Variants in PCDH7 observed in about 807,000 individuals in gnomAD.
The protein encoded by PCDH7 is protocadherin-7.
Under a neutral mutation model 58.9 loss-of-function variants are expected in PCDH7, and 17 were observed. The observed-to-expected ratio is 0.29, with a 90% CI of 0.20 to 0.43. The LOEUF (loss-of-function observed/expected upper bound fraction) is 0.43. PCDH7 is among the 20% of genes least tolerant of loss of function. The pLI, the probability that PCDH7 is intolerant of heterozygous loss-of-function variation, is 1.00. For synonymous variants in PCDH7, 664 were observed against 616.4 expected (o/e 1.08, Z -1.14); for missense variants, 1,274 against 1,441.0 (o/e 0.88, Z 1.88).
intron 3 of PCDH7, among the ~76,000 whole-genome samples, chr4:30,978,563 C>G (rs184296807): frequency 6.6e-6 from 1 of 152,046 alleles, no homozygotes; most frequent in Non-Finnish European, 1.5e-5. Context: ...TTCTTAGCTA[C>G]GTGATCTCAG....
At chr4:30,786,960 C>T (rs941830452) in intron 1 of PCDH7, among the ~76,000 whole-genome samples, 4 of 151,840 alleles carry the variant, frequency 2.6e-5, no homozygotes, top group Non-Finnish European at 4.4e-5. Context: ...AATAAGATCT[C>T]TGCAAAAAGG....
At chr4:31,109,065 T>A (rs1259891167) in intron 3 of PCDH7, among the ~76,000 whole-genome samples, 1 of 152,152 alleles carries the variant, frequency 6.6e-6, no homozygotes, top group Non-Finnish European at 1.5e-5. Context: ...TGGCTCAGGC[T>A]TGTTCCCATG....
chr4:30,818,457 TA>T (rs997149953), intron 1 of PCDH7, among the ~76,000 whole-genome samples: 1 of 152,194 alleles, frequency 6.6e-6, no homozygotes, highest in Non-Finnish European at 1.5e-5. Context: ...AATATGGGAC[TA>T]GTTGTTTTTC....
chr4:30,956,740 A>T (rs148379277), intron 3 of PCDH7, among the ~76,000 whole-genome samples: 2 of 152,306 alleles, frequency 1.3e-5, no homozygotes, highest in Admixed American at 1.3e-4. Flanking sequence ...GACACTTGTG[A>T]TCCAGATTTT....
intron 3 of PCDH7, among the ~76,000 whole-genome samples, chr4:30,983,389 A>T (rs542564608): frequency 6.6e-6 from 1 of 152,228 alleles, no homozygotes; most frequent in Non-Finnish European, 1.5e-5. Flanking sequence ...ATCAGTCTCT[A>T]AAAACTTGAG....
At chr4:30,807,876 G>T (rs1203114960) in intron 1 of PCDH7, among the ~76,000 whole-genome samples, 2 of 152,156 alleles carry the variant, frequency 1.3e-5, no homozygotes, top group Non-Finnish European at 2.9e-5. Flanking sequence ...TGCTTAATTA[G>T]AGCTTAAATT....
intron 1 of PCDH7, among the ~76,000 whole-genome samples, chr4:30,910,870 G>A (rs1282207342): frequency 6.6e-6 from 1 of 152,128 alleles, no homozygotes; most frequent in Non-Finnish European, 1.5e-5. Flanking sequence ...TATGTTTACT[G>A]TAACACTATT....
intron 3 of PCDH7, among the ~76,000 whole-genome samples, chr4:31,093,342 G>A (rs1056370103): frequency 1.3e-5 from 2 of 152,068 alleles, no homozygotes; most frequent in Non-Finnish European, 2.9e-5. Flanking sequence ...GTAGTCAAAA[G>A]GTAAATTCTG....
chr4:30,753,637 G>A (rs1229908157), intron 1 of PCDH7, among the ~76,000 whole-genome samples: 1 of 152,048 alleles, frequency 6.6e-6, no homozygotes, highest in Non-Finnish European at 1.5e-5. Context: ...CATGTTTTTG[G>A]CTCTGGTTGT....
chr4:31,116,976 C>G (rs1188600249), intron 3 of PCDH7, among the ~76,000 whole-genome samples: 2 of 152,142 alleles, frequency 1.3e-5, no homozygotes, highest in East Asian at 3.9e-4. Context: ...GCTGGGATTA[C>G]AGGCATGTGC....
intron 1 of PCDH7, among the ~76,000 whole-genome samples, chr4:30,777,651 A>G (rs1027545194): frequency 2.0e-5 from 3 of 152,102 alleles, no homozygotes; most frequent in African/African-American, 7.2e-5. Context: ...ATGCTTGTAT[A>G]TTTTAATTAT....
At chr4:30,945,065 G>A (rs1746504490) in intron 2 of PCDH7, among the ~76,000 whole-genome samples, 1 of 151,858 alleles carries the variant, frequency 6.6e-6, no homozygotes, top group Non-Finnish European at 1.5e-5. Context: ...CTCCAGTTAT[G>A]GAAAGCAACA....
chr4:30,729,168 A>G (rs1715101191), intron 1 of PCDH7, among the ~76,000 whole-genome samples: 2 of 151,916 alleles, frequency 1.3e-5, no homozygotes, highest in Non-Finnish European at 2.9e-5. Context: ...TGTGGACTAG[A>G]GTCCAAGTTA....
chr4:30,809,298 G>A (rs1485813905), intron 1 of PCDH7, among the ~76,000 whole-genome samples: 3 of 152,054 alleles, frequency 2.0e-5, no homozygotes, highest in African/African-American at 7.2e-5. Flanking sequence ...TATCTGTGTT[G>A]CCCACTGTAG....
chr4:30,789,559 G>A (rs188238334), intron 1 of PCDH7, among the ~76,000 whole-genome samples: 1 of 152,268 alleles, frequency 6.6e-6, no homozygotes. Flanking sequence ...AACTGTGAAA[G>A]GTCAGGGAAC....
intron 3 of PCDH7, among the ~76,000 whole-genome samples, chr4:30,977,961 G>A (rs1434085749): frequency 1.3e-5 from 2 of 152,106 alleles, no homozygotes; most frequent in Non-Finnish European, 2.9e-5. Flanking sequence ...ATGCTCCTTA[G>A]CTTCGTATAA....
At chr4:30,905,798 G>C (rs1444054094) in intron 1 of PCDH7, among the ~76,000 whole-genome samples, 2 of 152,202 alleles carry the variant, frequency 1.3e-5, no homozygotes, top group African/African-American at 4.8e-5. Context: ...TCCAGCTGTA[G>C]TCCAGCATGC....
intron 3 of PCDH7, among the ~76,000 whole-genome samples, chr4:31,065,400 C>T (rs1758000947): frequency 6.6e-6 from 1 of 151,902 alleles, no homozygotes; most frequent in African/African-American, 2.4e-5. Context: ...TGAAAATTGT[C>T]TTCACTTTGT....
intron 3 of PCDH7, among the ~76,000 whole-genome samples, chr4:31,038,973 T>C (rs2109200498): frequency 6.6e-6 from 1 of 152,256 alleles, no homozygotes; most frequent in South Asian, 2.1e-4. Context: ...CCAGATAGTG[T>C]TTTCAAAGAG....
Sources: gnomAD v4.1 joint callset for allele counts (sites outside exome capture counted in the v4.1 genomes callset) on GRCh38, gnomAD v4.1.1 for gene constraint, MANE v1.5 for transcripts, NCBI Gene and HGNC (gene_info 2026-07-23, HGNC 2026-07-21) for gene names.